The following TTC21A variants were observed in gnomAD, a reference collection of about 807,000 sequenced individuals.
TTC21A encodes tetratricopeptide repeat domain 21A, also known as tetratricopeptide repeat protein 21A.
Under a neutral mutation model 156.4 loss-of-function variants are expected in TTC21A, and 128 were observed. That is an observed-to-expected ratio of 0.82 (90% CI 0.71 to 0.95). The LOEUF is 0.95. Among genes scored for constraint, TTC21A ranks in the 40% least tolerant of loss-of-function variants. The probability of loss-of-function intolerance (pLI) is 0.00; values close to 1 mark genes in which losing one functional copy is unlikely to be tolerated. For missense variants in TTC21A, 1,435 were observed against 1,602.3 expected (o/e 0.90, Z 1.78); for synonymous variants, 587 against 617.1 (o/e 0.95, Z 0.72).
At chr3:39,135,582 C>T (rs1366111417) in intron 22 of TTC21A, among the ~76,000 whole-genome samples, 1 of 152,208 alleles carries the variant, frequency 6.6e-6, no homozygotes, top group African/African-American at 2.4e-5. Flanking sequence ...CAGGTTGGAG[C>T]CCTGGCAGGC....
rs756347325 is a variant in TTC21A, at chr3:39,114,652, C to T, written c.626C>T (p.Thr209Ile). The T allele has an allele frequency of 1.2e-6, 2 of 1,614,194 alleles. No individual in the cohort carries two copies. The highest frequency in any genetic ancestry group is 1.7e-6 in the Non-Finnish European group (2 of 1,180,028). ...ALEVVNQITV[T>I]SGSFLPALVL... ...GAGGTGGTGAACCAGATCACTGTGA[C>T]TTCAGGGAGCTTCCTGCCAGCCCTC... The change falls in exon 6 of 29, where the codon ACT becomes ATT. Residue 209 changes from threonine to isoleucine, a missense_variant. Thr to Ile is a moderately conservative substitution (Grantham distance 89, BLOSUM62 -1). Coordinates refer to ENST00000683103, the MANE Select transcript of TTC21A (RefSeq NM_001366900.1).
chr3:39,134,778 T>A lies in TTC21A; in HGVS notation c.2863-315T>A. ...CTCTATTGCCTGGCAGTTCTCAGAATGGGTGGAGAGGCTTCCCCTGTAGGC... is the reference window on the plus strand; with the variant it reads ...CTCTATTGCCTGGCAGTTCTCAGAAAGGGTGGAGAGGCTTCCCCTGTAGGC... On this transcript the variant is annotated intron_variant, in intron 21 of 28. Transcript: ENST00000683103. This position sits in a 1 kb window ranked among gnomAD's most constrained non-coding sequence, Gnocchi z 4.6. 2.0e-6 allele frequency: 1 copy of A among 512,142 alleles called. No homozygotes were observed. The highest frequency in any genetic ancestry group is 3.4e-5 in the East Asian group (1 of 29,322). 31.7% of individuals were successfully genotyped at this position (512,142 alleles called of 1,614,324 possible).
intron 9 of TTC21A, among the ~76,000 whole-genome samples, chr3:39,121,565 T>A (rs1043961109): frequency 2.6e-5 from 4 of 152,200 alleles, no homozygotes; most frequent in Non-Finnish European, 5.9e-5. Context: ...TAGATTCACC[T>A]CTGTAGACCC....
In TTC21A at chr3:39,136,931, TC is replaced by T; in HGVS notation, c.3130del (p.Leu1044Ter). The T allele has an allele frequency of 6.2e-7, 1 of 1,614,180 alleles. No homozygotes were observed. The highest frequency in any genetic ancestry group is 8.5e-7 in the Non-Finnish European group (1 of 1,180,036). ...GGGCAGCCCAACGAAGCCTTAAAGTTCCTGAACAAGGCACGCAAGGACAGCA... is the reference window on the plus strand; with the variant it reads ...GGGCAGCCCAACGAAGCCTTAAAGTTCTGAACAAGGCACGCAAGGACAGCA... The part of the protein sequence containing the change: ...HIGQPNEALK[F>X]LNKARKDSTW... On this transcript the variant is annotated frameshift_variant, in exon 24 of 29. Coordinates refer to ENST00000683103, the MANE Select transcript of TTC21A (RefSeq NM_001366900.1). LOFTEE classifies it high-confidence loss of function.
chr3:39,116,484 C>CT (rs1553679490), intron 6 of TTC21A, among the ~76,000 whole-genome samples: 2 of 148,734 alleles, frequency 1.3e-5, no homozygotes, highest in African/African-American at 5.0e-5. Flanking sequence ...CTGCCCCCCC[C>CT]TTTTTTTGGG....
At position 39,118,087 on chromosome 3, in the gene TTC21A, G is replaced by C. The variant is rs911314480; in HGVS notation, c.735G>C (p.Glu245Asp). The C allele has an allele frequency of 1.4e-5, 22 of 1,613,686 alleles. No individual in the cohort carries two copies. Among genetic ancestry groups the C allele is most frequent in the Non-Finnish European group, 1.7e-5 (20 of 1,179,732 alleles). ...EMGHRILEKD[E>D]SNIDACQILT... ...CCTTCAGAATCCTAGAAAAAGATGA[G>C]AGCAATATTGATGCCTGCCAAATTC... Residue 245 changes from glutamate (E) to aspartate (D), a missense_variant, in exon 7 of 29, where the codon GAG (glutamate) becomes GAC (aspartate). Glu to Asp is a conservative substitution (Grantham distance 45). Transcript: ENST00000683103.
chr3:39,133,831 G>T (rs2038910770), intron 20 of TTC21A, among the ~76,000 whole-genome samples: 1 of 152,144 alleles, frequency 6.6e-6, no homozygotes, highest in African/African-American at 2.4e-5. Context: ...ATTACCCTTG[G>T]GCAAGGGCAT....
chr3:39,115,636 C>T (rs2037228916), intron 6 of TTC21A, among the ~76,000 whole-genome samples: 1 of 152,058 alleles, frequency 6.6e-6, no homozygotes, highest in Non-Finnish European at 1.5e-5. Context: ...CACTGTGCTC[C>T]AGCCTGGGTG....
At chr3:39,120,189 A>G (rs2037648074) in intron 8 of TTC21A, among the ~76,000 whole-genome samples, 169 bp downstream of exon 8, 1 of 152,120 alleles carries the variant, frequency 6.6e-6, no homozygotes, top group Admixed American at 6.5e-5. Flanking sequence ...CCTCTGGCTG[A>G]TAACTGTGAC....
rs2038693834 is a variant in TTC21A at position 39,131,052 on chromosome 3, A to G, written c.2519A>G (p.Tyr840Cys). The change falls in exon 19 of 29, where the codon TAC becomes TGC. Residue 840 changes from tyrosine to cysteine, a missense_variant. Tyr to Cys is a radical substitution (Grantham distance 194). Transcript: ENST00000683103. ...VKCLLLLAKV[Y>C]KSHKKEAVIE... Reference sequence around the variant, plus strand: ...TGCCTGCTTTTGCTGGCAAAGGTTTACAAGAGCCATAAAAAAGAAGCTGTG... The same window carrying G: ...TGCCTGCTTTTGCTGGCAAAGGTTTGCAAGAGCCATAAAAAAGAAGCTGTG... 6.2e-7 allele frequency: 1 copy of G among 1,613,232 alleles called. No individual in the cohort carries two copies. The highest frequency in any genetic ancestry group is 2.2e-5 in the East Asian group (1 of 44,890).
intron 12 of TTC21A, among the ~76,000 whole-genome samples, chr3:39,127,192 G>GTAC (rs1474694636): frequency 1.3e-5 from 2 of 152,208 alleles, no homozygotes; most frequent in Non-Finnish European, 2.9e-5. Context: ...CTCCCCTGAA[G>GTAC]TACTGTCTCC....
chr3:39,119,808 A>G lies in TTC21A; in HGVS notation c.802-114A>G. 5.6e-6 allele frequency: 4 copies of G among 718,438 alleles called. No individual in the cohort carries two copies. The South Asian group carries it at 7.1e-5, about 13-fold the overall frequency. 44.5% of individuals were successfully genotyped at this position (718,438 alleles called of 1,614,324 possible). On this transcript the variant is annotated intron_variant, in intron 7 of 28. Transcript: ENST00000683103. ...AATTTCTGGGGGGTTGTGCCTGGGCATGGGCATTTTTTAAATCTCCCAGCT... is the reference window on the plus strand; with the variant it reads ...AATTTCTGGGGGGTTGTGCCTGGGCGTGGGCATTTTTTAAATCTCCCAGCT...
Position 39,134,361 on chromosome 3 carries a change from C to G in TTC21A, c.2862+33C>G. ...GCCCCCAGCACCCACTCCCTCCCCT[C>G]CCTTCCTCCCTTCCCAGGGTCCCTG... On this transcript the variant is annotated intron_variant, in intron 21 of 28. Transcript: ENST00000683103. This position sits in a 1 kb window ranked among gnomAD's most constrained non-coding sequence, Gnocchi z 4.6. 6.9e-7 allele frequency: 1 copy of G among 1,438,868 alleles called. No homozygotes were observed. The highest frequency in any genetic ancestry group is 9.8e-7 in the Non-Finnish European group (1 of 1,020,248). The allele number at this position is 1,438,868 out of a possible 1,614,324, so 89.1% of individuals were successfully genotyped here.
At position 39,125,321 on chromosome 3, in the gene TTC21A, C is replaced by T. The variant is rs1395930258; in HGVS notation, c.1192-11C>T. ...GACATTGGCACTGAGACTCGGTCCT[C>T]TCTTCCACAGGTGCTAATTTTCCTC... is the stretch of plus-strand genomic sequence containing the variant. On this transcript the variant is annotated splice_polypyrimidine_tract_variant and intron_variant, in intron 10 of 28. Transcript: ENST00000683103. The T allele has an allele frequency of 6.2e-7, 1 of 1,613,278 alleles. No individual in the cohort carries two copies. The highest frequency in any genetic ancestry group is 1.3e-5 in the African/African-American group (1 of 74,896).
intron 11 of TTC21A, among the ~76,000 whole-genome samples, chr3:39,126,039 A>T (rs2038206559): frequency 6.6e-6 from 1 of 152,208 alleles, no homozygotes; most frequent in Non-Finnish European, 1.5e-5. Flanking sequence ...TGAGTGCATT[A>T]CTACATGCCA....
chr3:39,110,306 C>T (rs2036702067), intron 3 of TTC21A, 167 bp downstream of exon 3: 1 of 680,192 alleles, frequency 1.5e-6, no homozygotes, highest in East Asian at 2.7e-5. Context: ...CCCCTGGAGG[C>T]CTGGGAGAAG....
chr3:39,137,625 G>A lies in TTC21A; in HGVS notation c.3590G>A (p.Trp1197Ter). 1.9e-6 allele frequency: 3 copies of A among 1,614,242 alleles called. No homozygotes were observed. The highest frequency in any genetic ancestry group is 2.5e-6 in the Non-Finnish European group (3 of 1,180,030). ...LSEAEDLEKS[W>*]LLLADIYCQG... ...GAGGCTGAGGACCTGGAGAAGAGCT[G>A]GCTCCTGCTGGCTGACATTTACTGC... is the stretch of plus-strand genomic sequence containing the variant. The change falls in exon 26 of 29, where the codon TGG becomes TAG. Residue 1197 changes from tryptophan to a stop codon, truncating the protein, a stop_gained. Transcript: ENST00000683103. LOFTEE classifies it high-confidence loss of function.
chr3:39,127,826 A>G (rs1183873169), intron 12 of TTC21A, among the ~76,000 whole-genome samples: 1 of 152,236 alleles, frequency 6.6e-6, no homozygotes, highest in Non-Finnish European at 1.5e-5. Flanking sequence ...AGTGGCTTAT[A>G]TCACTGGAGC....
At chr3:39,112,331 G>GC in intron 4 of TTC21A, 127 bp from the exon 5 acceptor site, 1 of 920,100 alleles carries the variant, frequency 1.1e-6, no homozygotes, top group Admixed American at 2.2e-5. Context: ...TGGCTGCCCT[G>GC]GGATCTGCAC....
Sources: gnomAD v4.1 joint callset for allele counts (sites outside exome capture counted in the v4.1 genomes callset) on GRCh38, gnomAD v4.1.1 for gene constraint, Gnocchi (gnomAD v3.1) non-coding constraint, MANE v1.5 for transcripts, NCBI Gene and HGNC (gene_info 2026-07-23, HGNC 2026-07-21) for gene names.